The following SEMA3A variants were observed in gnomAD, a reference collection of about 807,000 sequenced individuals.
The protein encoded by SEMA3A is semaphorin-3A.
Under a neutral mutation model 97.9 loss-of-function variants are expected in SEMA3A, and 29 were observed. The observed-to-expected ratio is 0.30, with a 90% confidence interval of 0.22 to 0.40. The LOEUF (loss-of-function observed/expected upper bound fraction) is 0.40, where lower values mean the gene tolerates loss of function less well. Ranked by LOEUF, SEMA3A falls within the 10% of genes least tolerant of loss-of-function variation. The pLI, the probability that SEMA3A is intolerant of heterozygous loss-of-function variation, is 1.00. For missense variants in SEMA3A, 763 were observed against 951.3 expected (o/e 0.80, Z 2.60); for synonymous variants, 321 against 323.7 (o/e 0.99, Z 0.09).
intron 1 of SEMA3A, among the ~76,000 whole-genome samples, chr7:84,406,280 A>G (rs1025394325): frequency 2.0e-5 from 3 of 152,176 alleles, no homozygotes; most frequent in African/African-American, 7.2e-5. Context: ...CCTCTAGGCA[A>G]ATAAACTAGA....
Position 84,429,516 on chromosome 7 carries a change from TTATATA to T in SEMA3A, c.-245-57622_-245-57617del, listed in dbSNP as rs10523978. Among the ~76,000 whole-genome samples the T allele has an allele frequency of 6.6e-3, 481 of 72,390 alleles. 23 individuals carry two copies. Among genetic ancestry groups the T allele is most frequent in the Admixed American group, 0.013 (66 of 5,026 alleles). 47.5% of individuals were successfully genotyped at this position (72,390 alleles called of 152,430 possible). On this transcript the variant is annotated intron_variant, in intron 1 of 3. Coordinates refer to the SEMA3A transcript ENST00000424555. ...TTGCATTAGTAAAATATAGAGTTTG[TTATATA>T]TATATATATATATATATATATATAT...
At chr7:84,123,993 C>T (rs1348469180) in intron 3 of SEMA3A, among the ~76,000 whole-genome samples, 1 of 151,986 alleles carries the variant, frequency 6.6e-6, no homozygotes, top group East Asian at 1.9e-4. Flanking sequence ...GTTATATTAT[C>T]CCAGCTGCAT....
At chr7:83,998,121 A>AAG (rs1562963213) in intron 12 of SEMA3A, among the ~76,000 whole-genome samples, 2 of 152,000 alleles carry the variant, frequency 1.3e-5, no homozygotes, top group African/African-American at 4.8e-5. Flanking sequence ...ATGCTAAAAA[A>AAG]AAAAATCTAA....
intron 1 of SEMA3A, among the ~76,000 whole-genome samples, chr7:84,169,844 T>C (rs535354611): frequency 8.0e-4 from 121 of 151,956 alleles, no homozygotes; most frequent in African/African-American, 2.8e-3. Flanking sequence ...CCATAACTGG[T>C]AACAATTCCT....
At chr7:84,054,526 A>T (rs1263998259) in intron 5 of SEMA3A, among the ~76,000 whole-genome samples, 1 of 151,598 alleles carries the variant, frequency 6.6e-6, no homozygotes, top group Non-Finnish European at 1.5e-5. Flanking sequence ...TTCTTCATGT[A>T]GTTCTCGAGC....
At chr7:84,466,984 G>A (rs2116400738) in intron 1 of SEMA3A, among the ~76,000 whole-genome samples, 1 of 152,268 alleles carries the variant, frequency 6.6e-6, no homozygotes, top group East Asian at 1.9e-4. Flanking sequence ...GATTATTAGT[G>A]TTCAGAAATT....
intron 3 of SEMA3A, among the ~76,000 whole-genome samples, chr7:84,248,294 A>C (rs558300065): frequency 6.6e-6 from 1 of 152,316 alleles, no homozygotes; most frequent in African/African-American, 2.4e-5. Context: ...AGGGAAAATT[A>C]TTAAAATGGA....
At chr7:84,329,322 G>A (rs1281499667) in intron 2 of SEMA3A, among the ~76,000 whole-genome samples, 1 of 152,006 alleles carries the variant, frequency 6.6e-6, no homozygotes, top group Non-Finnish European at 1.5e-5. Flanking sequence ...ATGCAGCCGT[G>A]TCCAACCCTT....
intron 1 of SEMA3A, among the ~76,000 whole-genome samples, chr7:84,416,256 T>A (rs1804431321): frequency 6.6e-6 from 1 of 152,070 alleles, no homozygotes; most frequent in South Asian, 2.1e-4. Context: ...TCTCATGAGA[T>A]CTGATGGGTG....
At position 83,965,968 on chromosome 7, in the gene SEMA3A, C is replaced by T. The variant is rs942882140; in HGVS notation, c.1718-2621G>A. Among the ~76,000 whole-genome samples, 97 of 150,296 alleles carry T rather than the reference C, an allele frequency of 6.5e-4. 1 individual carries two copies. Among genetic ancestry groups the T allele is most frequent in the South Asian group, 4.2e-4 (2 of 4,738 alleles). On this transcript the variant is annotated intron_variant, in intron 15 of 16. Coordinates refer to ENST00000265362, the MANE Select transcript of SEMA3A (RefSeq NM_006080.3). ...TGCTGGGATTACAGGTGTGAGCCACCGCGCCCAGCCACCAATGGGTGCATT... is the reference window on the plus strand; with the variant it reads ...TGCTGGGATTACAGGTGTGAGCCACTGCGCCCAGCCACCAATGGGTGCATT...
intron 3 of SEMA3A, among the ~76,000 whole-genome samples, chr7:84,264,947 G>C (rs1352021256): frequency 1.3e-5 from 2 of 152,072 alleles, no homozygotes; most frequent in African/African-American, 4.8e-5. Flanking sequence ...TCTCCACTTT[G>C]AGTTTCTCTC....
intron 15 of SEMA3A, among the ~76,000 whole-genome samples, chr7:83,971,991 G>A (rs1459850764): frequency 6.6e-6 from 1 of 151,082 alleles, no homozygotes; most frequent in African/African-American, 2.4e-5. Flanking sequence ...TAGTCTGTGT[G>A]TGTGTGTGTG....
intron 1 of SEMA3A, among the ~76,000 whole-genome samples, chr7:84,182,994 A>G (rs34753507): frequency 0.063 from 9,634 of 152,228 alleles, 350 homozygotes; most frequent in African/African-American, 0.094. Flanking sequence ...TAAAAGCTAG[A>G]GAATACACAC....
intron 5 of SEMA3A, among the ~76,000 whole-genome samples, chr7:84,053,203 A>G (rs948304230): frequency 8.6e-6 from 1 of 116,658 alleles, no homozygotes; most frequent in African/African-American, 2.7e-5. Context: ...TTTGGGGTGG[A>G]GAGTTCTGTA....
chr7:84,223,076 C>G (rs895311483), intron 3 of SEMA3A, among the ~76,000 whole-genome samples: 1 of 151,794 alleles, frequency 6.6e-6, no homozygotes, highest in African/African-American at 2.4e-5. Context: ...ACTTACAAAA[C>G]AGATGTGGAC....
intron 3 of SEMA3A, among the ~76,000 whole-genome samples, chr7:84,239,797 A>G (rs186453484): frequency 1.3e-4 from 20 of 152,250 alleles, no homozygotes; most frequent in Non-Finnish European, 2.8e-4. Context: ...TGTGAATGTT[A>G]TAGATGCATA....
intron 1 of SEMA3A, among the ~76,000 whole-genome samples, chr7:84,166,566 C>T (rs1206360216): frequency 9.7e-6 from 1 of 102,874 alleles, no homozygotes; most frequent in South Asian, 2.9e-4. Context: ...AGCAAAACTC[C>T]GTCAAAAAAA....
chr7:84,110,716 T>C, intron 3 of SEMA3A, 127 bp from the exon 4 acceptor site: 2 of 986,632 alleles, frequency 2.0e-6, no homozygotes, highest in South Asian at 1.9e-5. Context: ...TGGCATCCCT[T>C]TCACAACATT....
intron 1 of SEMA3A, among the ~76,000 whole-genome samples, chr7:84,467,081 TA>T: frequency 6.6e-6 from 1 of 152,164 alleles, no homozygotes. Context: ...GAAGTTTCAA[TA>T]TCAGTATGCA....
Sources: gnomAD v4.1 joint callset for allele counts (sites outside exome capture counted in the v4.1 genomes callset) on GRCh38, gnomAD v4.1.1 for gene constraint, MANE v1.5 for transcripts, NCBI Gene and HGNC (gene_info 2026-07-23, HGNC 2026-07-21) for gene names.